The following USP6NL variants were observed in gnomAD, a reference collection of about 807,000 sequenced individuals.
USP6NL encodes the protein USP6 N-terminal-like protein.
Under a neutral mutation model 61.9 loss-of-function variants are expected in USP6NL, and 26 were observed. The observed-to-expected ratio is 0.42, with a 90% CI of 0.31 to 0.58. USP6NL has a LOEUF of 0.58. Among genes scored for constraint, USP6NL ranks in the 20% least tolerant of loss-of-function variants. The probability of loss-of-function intolerance (pLI) is 0.16; values close to 1 mark genes in which losing one functional copy is unlikely to be tolerated. For synonymous variants in USP6NL, 432 were observed against 390.1 expected, an observed-to-expected ratio of 1.11 and a Z score of -1.27; for missense variants, 1,114 against 1,034.3, an observed-to-expected ratio of 1.08 and a Z score of -1.06.
chr10:11,546,515 C>T (rs1836277362), intron 2 of USP6NL, among the ~76,000 whole-genome samples: 1 of 152,162 alleles, frequency 6.6e-6, no homozygotes, highest in South Asian at 2.1e-4. Flanking sequence ...AATTCTTCTG[C>T]CTCAGCCTCC....
rs554245087 is a variant in USP6NL, at chr10:11,499,587, G to T, written c.384+1514C>A. Among the ~76,000 whole-genome samples, 1 of 152,222 alleles carries T rather than the reference G, an allele frequency of 6.6e-6. No individual in the cohort carries two copies. The highest frequency in any genetic ancestry group is 2.4e-5 in the African/African-American group (1 of 41,550). ...GTGGACCCTACATGCAATAACTATT[G>T]TCCCTATCAGGAAAGACAGACACAC... On this transcript the variant is annotated intron_variant, in intron 7 of 14. Transcript: ENST00000609104. The surrounding 1 kb of genome is among the most constrained non-coding windows in gnomAD (Gnocchi z 4.5).
At chr10:11,516,301 T>G (rs943556444) in intron 5 of USP6NL, among the ~76,000 whole-genome samples, 3 of 152,240 alleles carry the variant, frequency 2.0e-5, no homozygotes, top group African/African-American at 7.2e-5. Flanking sequence ...TGTACAAGTC[T>G]TCCCCAATGG....
intron 4 of USP6NL, among the ~76,000 whole-genome samples, chr10:11,524,920 C>T (rs1234850016): frequency 6.6e-6 from 1 of 152,028 alleles, no homozygotes; most frequent in Non-Finnish European, 1.5e-5. Flanking sequence ...ATAACATATT[C>T]AGGATGAATG....
chr10:11,473,554 C>T (rs1428192144), intron 14 of USP6NL, among the ~76,000 whole-genome samples: 3 of 152,130 alleles, frequency 2.0e-5, no homozygotes, highest in Non-Finnish European at 4.4e-5. Context: ...GGAGGAGGAG[C>T]GTATTCCAAG....
chr10:11,567,815 G>C lies in USP6NL; in HGVS notation c.4+29816C>G, dbSNP rs1300418320. 2.0e-5 allele frequency among the ~76,000 whole-genome samples: 3 copies of C among 152,302 alleles called. No homozygotes were observed. In the East Asian group the frequency reaches 5.8e-4, roughly 29 times the overall value. ...TCCCTCATACACATGACCTCACACA[G>C]CCCTCATAACACCTGGGAAAATATA... On this transcript the variant is annotated intron_variant, in intron 2 of 14. Transcript: ENST00000609104.
chr10:11,502,048 G>A (rs1566140198), intron 6 of USP6NL, among the ~76,000 whole-genome samples: 1 of 152,062 alleles, frequency 6.6e-6, no homozygotes, highest in Non-Finnish European at 1.5e-5. Context: ...CACAAGGTCA[G>A]GAGATGGAGA....
rs201503563 is a variant in USP6NL, at chr10:11,501,167, T to C, written c.318A>G (p.Arg106=). 243 of 1,613,420 alleles carry C rather than the reference T, an allele frequency of 1.5e-4. No individual in the cohort carries two copies. The African/African-American group carries it at 3.1e-3, about 21-fold the overall frequency. The stretch of plus-strand genomic sequence containing the variant: ...CAAGAAGGAGGGCCCAGACTTCACC[T>C]CTGAGCTGGAGTGGTATTCCTTTGT... ...RIYKGIPLQL[R]GEVWALLLEI... Residue 106 remains arginine (R), a synonymous_variant, in exon 7 of 15, where the codon AGA becomes AGG. Coordinates refer to ENST00000609104, the MANE Select transcript of USP6NL (RefSeq NM_014688.5).
intron 2 of USP6NL, among the ~76,000 whole-genome samples, chr10:11,529,024 C>A (rs1419924085): frequency 6.6e-6 from 1 of 152,196 alleles, no homozygotes; most frequent in Non-Finnish European, 1.5e-5. Context: ...GGAAAAGAAT[C>A]AGCCAGGGCA....
chr10:11,609,444 T>G (rs909958768), intron 1 of USP6NL, among the ~76,000 whole-genome samples: 1 of 139,284 alleles, frequency 7.2e-6, no homozygotes, highest in African/African-American at 2.7e-5. Flanking sequence ...TTGCACTAGT[T>G]ACAAAGTAAG....
intron 2 of USP6NL, chr10:11,565,337 A>G (rs1411169867): frequency 6.6e-6 from 1 of 152,222 alleles, no homozygotes; most frequent in African/African-American, 2.4e-5. Flanking sequence ...TAAAATCAGC[A>G]TCCTTTAAGA....
In USP6NL at chr10:11,562,504, A is replaced by C; in HGVS notation, c.5-34937T>G. Reference sequence around the variant, plus strand: ...AGTGTGGCTGAGGAGAAACGTGAAAAGAGCCGGGTCACTCAAGACATTGCT... The same window carrying C: ...AGTGTGGCTGAGGAGAAACGTGAAACGAGCCGGGTCACTCAAGACATTGCT... On this transcript the variant is annotated intron_variant, in intron 2 of 14. Coordinates refer to ENST00000609104, the MANE Select transcript of USP6NL (RefSeq NM_014688.5). The surrounding 1 kb of genome is among the most constrained non-coding windows in gnomAD (Gnocchi z 4.8). 2 of 985,420 alleles carry C rather than the reference A, an allele frequency of 2.0e-6. No individual in the cohort carries two copies. The highest frequency in any genetic ancestry group is 2.4e-6 in the Non-Finnish European group (2 of 829,926). The allele number at this position is 985,420 out of a possible 1,614,324, so 61.0% of individuals were successfully genotyped here. A position where few individuals can be genotyped will look rare whatever the true frequency, so the allele number is the denominator to read the frequency against.
chr10:11,530,754 G>T (rs764490255), intron 2 of USP6NL, among the ~76,000 whole-genome samples: 1 of 152,172 alleles, frequency 6.6e-6, no homozygotes, highest in African/African-American at 2.4e-5. Context: ...CCAATATTCA[G>T]TTTAGAGACA....
chr10:11,468,631 T>C lies in USP6NL; in HGVS notation c.1079-4782A>G, dbSNP rs1466775480. ...GTGTGGTGCAGGAAACAATAAACTG[T>C]AGCGTGGGAGTGGAGGGGAGGAGGT... On this transcript the variant is annotated intron_variant, in intron 14 of 14. Coordinates refer to ENST00000609104, the MANE Select transcript of USP6NL (RefSeq NM_014688.5). This position sits in a 1 kb window ranked among gnomAD's most constrained non-coding sequence, Gnocchi z 4.5. Among the ~76,000 whole-genome samples the C allele has an allele frequency of 6.6e-6, 1 of 152,118 alleles. No individual in the cohort carries two copies. Among genetic ancestry groups the C allele is most frequent in the African/African-American group, 2.4e-5 (1 of 41,416 alleles).
rs1295488282 is a variant in USP6NL, at chr10:11,461,465, G to A, written c.*976C>T. The A allele has an allele frequency of 6.6e-6, 1 of 152,180 alleles. No individual in the cohort carries two copies. The highest frequency in any genetic ancestry group is 2.4e-5 in the African/African-American group (1 of 41,438). 9.4% of individuals were successfully genotyped at this position (152,180 alleles called of 1,614,324 possible). A position where few individuals can be genotyped will look rare whatever the true frequency, so the allele number is the denominator to read the frequency against. On this transcript the variant is annotated 3_prime_UTR_variant, in exon 15 of 15. Coordinates refer to ENST00000609104, the MANE Select transcript of USP6NL (RefSeq NM_014688.5). ...TGGATTGTATAAATGGCCACCCTGG[G>A]ACCTTCGTGGGGAGAAGCCATGTGA...
At chr10:11,588,902 T>C (rs544628222) in intron 2 of USP6NL, among the ~76,000 whole-genome samples, 2 of 152,320 alleles carry the variant, frequency 1.3e-5, no homozygotes, top group South Asian at 2.1e-4. Context: ...ATAGTAGAAG[T>C]AGAGTTTTTC....
intron 13 of USP6NL, among the ~76,000 whole-genome samples, chr10:11,483,260 A>C (rs1414076471): frequency 3.9e-5 from 6 of 152,036 alleles, no homozygotes; most frequent in African/African-American, 1.4e-4. Flanking sequence ...GTAGCATGTA[A>C]AGCAGTTGCT....
At position 11,600,352 on chromosome 10, in the gene USP6NL, C is replaced by T. The variant is rs1395798899; in HGVS notation, c.-83-2635G>A. On this transcript the variant is annotated intron_variant, in intron 1 of 14. Transcript: ENST00000609104. The surrounding 1 kb of genome is among the most constrained non-coding windows in gnomAD (Gnocchi z 4.1). Reference sequence around the variant, plus strand: ...CATGCAGAACAAGAAATGTATGCCCCAGGTAGCAATGGCCCACAATGAATA... The same window carrying T: ...CATGCAGAACAAGAAATGTATGCCCTAGGTAGCAATGGCCCACAATGAATA... Among the ~76,000 whole-genome samples, 2 of 152,118 alleles carry T rather than the reference C, an allele frequency of 1.3e-5. No individual in the cohort carries two copies. Among genetic ancestry groups the T allele is most frequent in the Non-Finnish European group, 2.9e-5 (2 of 68,024 alleles).
intron 6 of USP6NL, among the ~76,000 whole-genome samples, chr10:11,506,452 G>A (rs1245146822): frequency 6.6e-6 from 1 of 152,038 alleles, no homozygotes; most frequent in African/African-American, 2.4e-5. Flanking sequence ...GACCAGCCTG[G>A]GCAACATAGC....
At position 11,491,147 on chromosome 10, in the gene USP6NL, C is replaced by G. The variant is rs189214454; in HGVS notation, c.495-267G>C. ...AAATTTGTTGCCTTCTTTTGCTGATCTATCTCACTTTGAGACCCTTCTGAT... is the reference window on the plus strand; with the variant it reads ...AAATTTGTTGCCTTCTTTTGCTGATGTATCTCACTTTGAGACCCTTCTGAT... On this transcript the variant is annotated intron_variant, in intron 8 of 14. Transcript: ENST00000609104. The surrounding 1 kb of genome is among the most constrained non-coding windows in gnomAD (Gnocchi z 4.7). Among the ~76,000 whole-genome samples the G allele has an allele frequency of 3.4e-3, 514 of 152,314 alleles. 11 individuals carry two copies. The highest frequency in any genetic ancestry group is 0.03 in the Admixed American group (462 of 15,302).
Sources: allele counts gnomAD v4.1 joint callset (sites outside exome capture counted in the v4.1 genomes callset), GRCh38; gene constraint gnomAD v4.1.1; non-coding constraint Gnocchi (gnomAD v3.1); transcripts MANE v1.5; gene names NCBI Gene and HGNC (gene_info 2026-07-23, HGNC 2026-07-21).